Variants in NFATC3 observed in about 807,000 individuals in gnomAD.
NFATC3 encodes the protein nuclear factor of activated T cells 3.
Under a neutral mutation model 98.6 loss-of-function variants are expected in NFATC3, and 46 were observed. That is an observed-to-expected ratio of 0.47 (90% CI 0.37 to 0.60). The LOEUF (loss-of-function observed/expected upper bound fraction) is 0.60, where lower values mean the gene tolerates loss of function less well. Among genes scored for constraint, NFATC3 ranks in the 20% least tolerant of loss-of-function variants. NFATC3 has a pLI of 0.00. For synonymous variants in NFATC3, 512 were observed against 472.2 expected (o/e 1.08, Z -1.09); for missense variants, 1,256 against 1,295.5 (o/e 0.97, Z 0.47).
chr16:68,100,887 C>CTGTGTG (rs55677176), intron 1 of NFATC3, among the ~76,000 whole-genome samples: 71 of 146,384 alleles, frequency 4.9e-4, no homozygotes, highest in East Asian at 3.8e-3. Context: ...TTTGAGAGTT[C>CTGTGTG]TGTGTGTGTG....
Position 68,191,579 on chromosome 16 carries a change from T to C in NFATC3, c.2910T>C (p.His970=). Residue 970 remains histidine (H), a synonymous_variant, in exon 9 of 10, where the codon CAT becomes CAC. Transcript: ENST00000346183. The part of the protein sequence containing the change: ...ASSPSPATRM[H]SGQHSTQAQS... ...CACCGTCTCCAGCCACCAGAATGCA[T>C]TCTGGACAGCACTCAACTCAAGCAC... The C allele has an allele frequency of 8.1e-6, 13 of 1,614,148 alleles. No individual in the cohort carries two copies. Among genetic ancestry groups the C allele is most frequent in the Non-Finnish European group, 1.1e-5 (13 of 1,180,026 alleles).
At chr16:68,176,941 A>T (rs943377233) in intron 6 of NFATC3, among the ~76,000 whole-genome samples, 1 of 148,828 alleles carries the variant, frequency 6.7e-6, no homozygotes, top group Admixed American at 6.7e-5. Context: ...AACTTGTGAT[A>T]TATTTCTATT....
Position 68,185,270 on chromosome 16 carries a change from C to G in NFATC3, c.2098+1904C>G, listed in dbSNP as rs1414835431. Among the ~76,000 whole-genome samples, 3 of 152,268 alleles carry G rather than the reference C, an allele frequency of 2.0e-5. No homozygotes were observed. The South Asian group carries it at 6.2e-4, about 32-fold the overall frequency. ...GGGATTGCAGGTGTGAGCCACCGCG[C>G]CTGGCCCAGGGGTTTAATTTTCTTT... On this transcript the variant is annotated intron_variant, in intron 8 of 9. Transcript: ENST00000346183.
intron 8 of NFATC3, 33 bp from the exon 9 acceptor site, chr16:68,190,735 T>G (rs1442926868): frequency 1.3e-6 from 2 of 1,560,414 alleles, no homozygotes; most frequent in African/African-American, 2.7e-5. Context: ...ATGTATTGTA[T>G]AATAATATTT....
Position 68,087,568 on chromosome 16 carries a change from T to TATGAAAA in NFATC3, c.103+1785_103+1786insTGAAAAA, listed in dbSNP as rs557875432. Among the ~76,000 whole-genome samples the TATGAAAA allele has an allele frequency of 6.3e-3, 963 of 152,252 alleles. 11 individuals are homozygous for TATGAAAA. Among genetic ancestry groups the TATGAAAA allele is most frequent in the African/African-American group, 0.022 (920 of 41,544 alleles). ...AAGTTTTTTTAATATTAAGGCAAAA[T>TATGAAAA]ACATATGAAAAAACAAACCTTCTTA... On this transcript the variant is annotated intron_variant, in intron 1 of 9. Transcript: ENST00000346183.
At chr16:68,126,688 A>C in intron 3 of NFATC3, 78 bp downstream of exon 3, 1 of 1,444,334 alleles carries the variant, frequency 6.9e-7, no homozygotes. Flanking sequence ...GTTAGGTACT[A>C]GAGAGTGCAA....
intron 1 of NFATC3, among the ~76,000 whole-genome samples, chr16:68,101,005 T>C (rs755580703): frequency 6.6e-6 from 1 of 152,116 alleles, no homozygotes; most frequent in Non-Finnish European, 1.5e-5. Context: ...ATTCTATTAA[T>C]AGTATCTTTT....
chr16:68,198,046 A>G (rs904338009), intron 9 of NFATC3, among the ~76,000 whole-genome samples: 3 of 152,178 alleles, frequency 2.0e-5, no homozygotes, highest in African/African-American at 7.2e-5. Context: ...TAGACTGAGC[A>G]TGGTGGCTCA....
chr16:68,194,991 G>A (rs1210687632), intron 9 of NFATC3, among the ~76,000 whole-genome samples: 1 of 152,020 alleles, frequency 6.6e-6, no homozygotes, highest in African/African-American at 2.4e-5. Flanking sequence ...CGTGGCTCAT[G>A]CCTATAAACT....
chr16:68,186,987 C>T (rs536924419), intron 8 of NFATC3, among the ~76,000 whole-genome samples: 32 of 152,364 alleles, frequency 2.1e-4, no homozygotes, highest in African/African-American at 7.7e-4. Context: ...CCTCTGGGGC[C>T]ACTTGGCCTG....
intron 9 of NFATC3, chr16:68,218,047 T>C: frequency 9.2e-7 from 1 of 1,088,908 alleles, no homozygotes; most frequent in Non-Finnish European, 1.1e-6. Flanking sequence ...ATGAATATTT[T>C]TTGGTTTTTC....
chr16:68,161,891 A>G (rs2038910892), intron 4 of NFATC3, among the ~76,000 whole-genome samples: 2 of 152,236 alleles, frequency 1.3e-5, no homozygotes, highest in African/African-American at 4.8e-5. Context: ...CCCAAATAAT[A>G]TGAAAGCATT....
At chr16:68,192,230 A>AAATATATATATATATATAT (rs1555522047) in intron 9 of NFATC3, 3 of 82,582 alleles carry the variant, frequency 3.6e-5, no homozygotes, top group African/African-American at 1.7e-4. Context: ...AAAAAAAAAA[A>AAATATATATATATATATAT]ATATATATAT....
rs895619065 is a variant in NFATC3, at chr16:68,157,774, A to G, written c.1402-95A>G. On this transcript the variant is annotated intron_variant, in intron 3 of 9. Coordinates refer to ENST00000346183, the MANE Select transcript of NFATC3 (RefSeq NM_173165.3). ...AAATAACATTTTGTGTGTCAATAGT[A>G]TATGATAGAGATATAATAGACTTAC... 8.5e-6 allele frequency: 8 copies of G among 940,182 alleles called. No individual in the cohort carries two copies. The Admixed American group carries it at 2.0e-4, about 24-fold the overall frequency. The allele number at this position is 940,182 out of a possible 1,614,324, so 58.2% of individuals were successfully genotyped here. A position where few individuals can be genotyped will look rare whatever the true frequency, so the allele number is the denominator to read the frequency against.
chr16:68,182,362 C>T (rs1369102273), intron 7 of NFATC3, among the ~76,000 whole-genome samples: 3 of 152,118 alleles, frequency 2.0e-5, no homozygotes, highest in East Asian at 3.9e-4. Flanking sequence ...AATACCACTT[C>T]CCACAGTGCT....
intron 3 of NFATC3, among the ~76,000 whole-genome samples, chr16:68,141,988 G>C (rs1213284509): frequency 6.6e-6 from 1 of 152,114 alleles, no homozygotes; most frequent in Non-Finnish European, 1.5e-5. Flanking sequence ...TATATGTGGT[G>C]AGAGACAGGG....
At chr16:68,163,700 G>C (rs1371705324) in intron 4 of NFATC3, among the ~76,000 whole-genome samples, 1 of 151,564 alleles carries the variant, frequency 6.6e-6, no homozygotes, top group African/African-American at 2.4e-5. Context: ...CGGCCGGGCA[G>C]AGACGCTCCT....
chr16:68,199,537 T>TAA (rs779667582), intron 9 of NFATC3, among the ~76,000 whole-genome samples: 1 of 126,848 alleles, frequency 7.9e-6, no homozygotes, highest in African/African-American at 2.9e-5. Context: ...AGACCCTGTT[T>TAA]AAAAAAAAAA....
intron 9 of NFATC3, chr16:68,200,254 C>G (rs2040858547): frequency 6.6e-6 from 1 of 151,820 alleles, no homozygotes; most frequent in Admixed American, 6.6e-5. Flanking sequence ...CACATTGTAG[C>G]TAGCTTGTTG....
Sources: allele counts gnomAD v4.1 joint callset (sites outside exome capture counted in the v4.1 genomes callset), GRCh38; gene constraint gnomAD v4.1.1; transcripts MANE v1.5; gene names NCBI Gene and HGNC (gene_info 2026-07-23, HGNC 2026-07-21).